B3GALT1: variants seen among roughly 807,000 people sequenced by gnomAD.
B3GALT1 encodes UDP-Gal:betaGlcNAc beta 1,3-galactosyltransferase, polypeptide 1.
Under a neutral mutation model 23.2 loss-of-function variants are expected in B3GALT1, and 10 were observed. That is an observed-to-expected ratio of 0.43 (90% CI 0.27 to 0.73). B3GALT1 has a LOEUF of 0.73. Among genes scored for constraint, B3GALT1 ranks in the 30% least tolerant of loss-of-function variants. The probability of loss-of-function intolerance (pLI) is 0.21; values close to 1 mark genes in which losing one functional copy is unlikely to be tolerated. For missense variants in B3GALT1, 299 were observed against 405.4 expected, an observed-to-expected ratio of 0.74 and a Z score of 2.25; for synonymous variants, 156 against 141.5, an observed-to-expected ratio of 1.10 and a Z score of -0.73.
intron 1 of B3GALT1, among the ~76,000 whole-genome samples, chr2:167,352,514 C>T (rs576409223): frequency 1.2e-4 from 18 of 147,110 alleles, no homozygotes; most frequent in Admixed American, 1.0e-3. Context: ...AAGGTCAGAT[C>T]GAGACCAACC....
chr2:167,738,521 A>G (rs1280406940), intron 3 of B3GALT1, among the ~76,000 whole-genome samples: 1 of 152,218 alleles, frequency 6.6e-6, no homozygotes, highest in Non-Finnish European at 1.5e-5. Flanking sequence ...GACAAGCACA[A>G]ACAGTTGTTA....
intron 1 of B3GALT1, among the ~76,000 whole-genome samples, chr2:167,423,299 T>C (rs1253075253): frequency 6.6e-6 from 1 of 152,076 alleles, no homozygotes; most frequent in Non-Finnish European, 1.5e-5. Context: ...AGTAGAGAAA[T>C]TTTCAGCTGG....
intron 2 of B3GALT1, among the ~76,000 whole-genome samples, chr2:167,531,777 C>G (rs1050045393): frequency 6.6e-6 from 1 of 152,020 alleles, no homozygotes; most frequent in South Asian, 2.1e-4. Context: ...ACAATATATG[C>G]CCATTCCTTG....
chr2:167,860,006 T>C (rs1690068504), intron 4 of B3GALT1, among the ~76,000 whole-genome samples: 1 of 152,196 alleles, frequency 6.6e-6, no homozygotes, highest in South Asian at 2.1e-4. Context: ...TATCTAGTGC[T>C]AATAGTGTTT....
chr2:167,714,861 T>G lies in B3GALT1; in HGVS notation c.-352+67895T>G, dbSNP rs1574227235. On this transcript the variant is annotated intron_variant, in intron 3 of 4. Coordinates refer to ENST00000392690, the MANE Select transcript of B3GALT1 (RefSeq NM_020981.4). ...TCCTCTATCTGGTAATTTTCTTCTA[T>G]TGTCAATTTCCTGTGGAGTGTCATT... 1.9e-6 allele frequency: 3 copies of G among 1,608,646 alleles called. No individual in the cohort carries two copies. The East Asian group carries it at 6.7e-5, about 36-fold the overall frequency.
chr2:167,753,473 T>C (rs1323328542), intron 3 of B3GALT1, among the ~76,000 whole-genome samples: 1 of 152,164 alleles, frequency 6.6e-6, no homozygotes, highest in Non-Finnish European at 1.5e-5. Flanking sequence ...CCACTTTCCA[T>C]GCAGAGAGAA....
At chr2:167,401,436 C>T (rs1045092485) in intron 1 of B3GALT1, among the ~76,000 whole-genome samples, 6 of 152,058 alleles carry the variant, frequency 3.9e-5, no homozygotes, top group African/African-American at 1.4e-4. Flanking sequence ...TCTTCAACTG[C>T]CTTGAGATAG....
intron 1 of B3GALT1, among the ~76,000 whole-genome samples, chr2:167,395,864 T>C (rs1306216755): frequency 6.6e-6 from 1 of 152,110 alleles, no homozygotes; most frequent in African/African-American, 2.4e-5. Flanking sequence ...GAGGAATGTT[T>C]ATTACATACA....
intron 1 of B3GALT1, among the ~76,000 whole-genome samples, chr2:167,419,391 ACTG>A (rs1698515620): frequency 6.6e-6 from 1 of 152,204 alleles, no homozygotes; most frequent in African/African-American, 2.4e-5. Flanking sequence ...CATTATACAT[ACTG>A]CTGATAAACA....
At chr2:167,622,584 G>A (rs1417789494) in intron 2 of B3GALT1, among the ~76,000 whole-genome samples, 1 of 152,012 alleles carries the variant, frequency 6.6e-6, no homozygotes, top group African/African-American at 2.4e-5. Flanking sequence ...GGAGTCATAA[G>A]CATCTTAATA....
chr2:167,467,193 G>A (rs1044446235), intron 1 of B3GALT1, among the ~76,000 whole-genome samples: 8 of 151,868 alleles, frequency 5.3e-5, no homozygotes, highest in Non-Finnish European at 1.2e-4. Flanking sequence ...AAGAAAAAGA[G>A]CCAAGCCGAC....
chr2:167,449,624 A>G (rs960447191), intron 1 of B3GALT1, among the ~76,000 whole-genome samples: 1 of 152,136 alleles, frequency 6.6e-6, no homozygotes, highest in Admixed American at 6.6e-5. Flanking sequence ...GATTTCCAGT[A>G]CTATGTTGAA....
rs541222743 is a variant in B3GALT1, at chr2:167,553,361, T to C, written c.-410+63084T>C. ...AAAATGTTAGGAGCAAGCTAAGAGATTCAACTGTAAGAAGAACCCCTTCTT... is the reference window on the plus strand; with the variant it reads ...AAAATGTTAGGAGCAAGCTAAGAGACTCAACTGTAAGAAGAACCCCTTCTT... On this transcript the variant is annotated intron_variant, in intron 2 of 4. Transcript: ENST00000392690. Among the ~76,000 whole-genome samples the C allele has an allele frequency of 2.6e-5, 4 of 152,278 alleles. No homozygotes were observed. In the South Asian group the frequency reaches 8.3e-4, roughly 32 times the overall value.
rs1297443769 is a variant in B3GALT1 at position 167,714,641 on chromosome 2, T to C, written c.-352+67675T>C. 3.7e-6 allele frequency: 6 copies of C among 1,613,746 alleles called. No homozygotes were observed. In the East Asian group the frequency reaches 1.3e-4, roughly 36 times the overall value. ...GTGAGCATTTTCTTTCCTTAAATCA[T>C]TGAGGTTTCTTTCAGCAGTCCGAGC... On this transcript the variant is annotated intron_variant, in intron 3 of 4. Coordinates refer to ENST00000392690, the MANE Select transcript of B3GALT1 (RefSeq NM_020981.4).
At chr2:167,559,735 C>T (rs534756070) in intron 2 of B3GALT1, among the ~76,000 whole-genome samples, 25 of 151,952 alleles carry the variant, frequency 1.6e-4, no homozygotes, top group South Asian at 6.3e-4. Context: ...TGAAATGAAG[C>T]GAGAAGGGAA....
At chr2:167,838,763 A>C (rs1468088166) in intron 4 of B3GALT1, among the ~76,000 whole-genome samples, 1 of 152,282 alleles carries the variant, frequency 6.6e-6, no homozygotes, top group African/African-American at 2.4e-5. Flanking sequence ...ATGAACATTG[A>C]TGCAAAAATC....
intron 2 of B3GALT1, among the ~76,000 whole-genome samples, chr2:167,512,565 T>TAC (rs1700027008): frequency 2.2e-5 from 2 of 90,240 alleles, no homozygotes; most frequent in Admixed American, 1.1e-4. Flanking sequence ...TGTATATATA[T>TAC]ATGTATATAT....
At chr2:167,654,145 C>T (rs1685912334) in intron 3 of B3GALT1, among the ~76,000 whole-genome samples, 4 of 152,128 alleles carry the variant, frequency 2.6e-5, no homozygotes, top group African/African-American at 9.7e-5. Context: ...CTTTTTGTGC[C>T]TCTGTTTTCT....
intron 2 of B3GALT1, among the ~76,000 whole-genome samples, chr2:167,595,815 C>T (rs1258227531): frequency 6.6e-6 from 1 of 152,118 alleles, no homozygotes; most frequent in Non-Finnish European, 1.5e-5. Context: ...ATATCAAAGA[C>T]TCATGTGAGA....
Sources: gnomAD v4.1 joint callset for allele counts (sites outside exome capture counted in the v4.1 genomes callset) on GRCh38, gnomAD v4.1.1 for gene constraint, MANE v1.5 for transcripts, NCBI Gene and HGNC (gene_info 2026-07-23, HGNC 2026-07-21) for gene names.